Variants in PCTP observed in about 807,000 individuals in gnomAD.
PCTP encodes START domain-containing protein 2.
PCTP carries 27 observed loss-of-function variants against 31.0 expected under a neutral mutation model. The observed-to-expected ratio is 0.87, with a 90% CI of 0.64 to 1.20. The LOEUF is 1.20. Among genes scored for constraint, PCTP ranks in the 50% most tolerant of loss-of-function variants. The pLI is 0.00. For synonymous variants in PCTP, 108 were observed against 101.2 expected (o/e 1.07, Z -0.40); for missense variants, 287 against 268.2 (o/e 1.07, Z -0.49).
chr17:55,822,515 G>C (rs929958509), intron 3 of PCTP, among the ~76,000 whole-genome samples: 1 of 152,136 alleles, frequency 6.6e-6, no homozygotes, highest in Admixed American at 6.5e-5. Context: ...ATATTTCAGT[G>C]GGGGGATTAA....
chr17:55,757,278 A>ATG (rs367789115), intron 1 of PCTP, among the ~76,000 whole-genome samples: 1 of 150,064 alleles, frequency 6.7e-6, no homozygotes. Context: ...ATACACAAGC[A>ATG]TGTGTGTGTG....
intron 5 of PCTP, among the ~76,000 whole-genome samples, chr17:55,842,411 G>A (rs1906011442): frequency 6.6e-6 from 1 of 152,180 alleles, no homozygotes; most frequent in Non-Finnish European, 1.5e-5. Context: ...GAAGTCCCAG[G>A]AAATTGTGTA....
downstream of PCTP, among the ~76,000 whole-genome samples, chr17:55,844,642 T>G (rs766227869): frequency 8.5e-5 from 13 of 152,204 alleles, no homozygotes; most frequent in South Asian, 8.3e-4. Flanking sequence ...GACATTCCAG[T>G]ATAGACTCAC....
At chr17:55,837,903 T>G (rs1249505842) in intron 5 of PCTP, among the ~76,000 whole-genome samples, 1 of 152,116 alleles carries the variant, frequency 6.6e-6, no homozygotes, top group African/African-American at 2.4e-5. Context: ...CAGGAGGCCA[T>G]AGCTGGGAGA....
chr17:55,762,462 A>G (rs183081310), intron 1 of PCTP, among the ~76,000 whole-genome samples: 1 of 151,780 alleles, frequency 6.6e-6, no homozygotes, highest in East Asian at 1.9e-4. Context: ...GGATTTCTTA[A>G]CCTTCACTGT....
intron 3 of PCTP, among the ~76,000 whole-genome samples, chr17:55,800,451 G>T (rs141308279): frequency 2.0e-5 from 3 of 151,802 alleles, no homozygotes; most frequent in African/African-American, 7.3e-5. Context: ...TCTCTAAACT[G>T]GTTATTCTAG....
downstream of PCTP, among the ~76,000 whole-genome samples, chr17:55,826,714 C>T (rs761358738): frequency 4.6e-5 from 7 of 152,154 alleles, no homozygotes; most frequent in Admixed American, 1.3e-4. Context: ...GGCCAAGTTC[C>T]GGCCAATGGA....
intron 1 of PCTP, among the ~76,000 whole-genome samples, chr17:55,766,305 CA>C (rs1265662206): frequency 6.6e-6 from 1 of 150,538 alleles, no homozygotes; most frequent in Non-Finnish European, 1.5e-5. Flanking sequence ...TACATGTGCA[CA>C]ATGTGCAGGT....
At chr17:55,756,741 G>GTGTGTA (rs1555564753) in intron 1 of PCTP, among the ~76,000 whole-genome samples, 1 of 150,198 alleles carries the variant, frequency 6.7e-6, no homozygotes, top group African/African-American at 2.5e-5. Flanking sequence ...GTGTGTGTGT[G>GTGTGTA]TATATATGTA....
chr17:55,852,435 T>C, the PCTP span, among the ~76,000 whole-genome samples: 5 of 152,172 alleles, frequency 3.3e-5, no homozygotes, highest in Non-Finnish European at 5.9e-5. Context: ...TGCCAAACCA[T>C]AGAGAGTGAG....
At chr17:55,804,386 A>G (rs1052639982) in intron 3 of PCTP, among the ~76,000 whole-genome samples, 3 of 152,240 alleles carry the variant, frequency 2.0e-5, no homozygotes, top group African/African-American at 4.8e-5. Context: ...AGGATTATAA[A>G]TCATTCTACT....
In PCTP at chr17:55,795,154, T is replaced by A. The variant is rs190497743; in HGVS notation, c.317+7500T>A. 2.8e-3 allele frequency among the ~76,000 whole-genome samples: 424 copies of A among 152,182 alleles called. 2 individuals are homozygous for A. Among genetic ancestry groups the A allele is most frequent in the Admixed American group, 5.0e-3 (76 of 15,246 alleles). ...AGAGCTATCCCCCTGCCATCAGTTT[T>A]ATTAAAGGCATAAATGTGCAGTCGC... On this transcript the variant is annotated intron_variant, in intron 3 of 3. Transcript: ENST00000572536.
intron 1 of PCTP, among the ~76,000 whole-genome samples, chr17:55,764,966 G>C (rs975631016): frequency 6.6e-6 from 1 of 152,188 alleles, no homozygotes; most frequent in African/African-American, 2.4e-5. Flanking sequence ...AATTGCCACC[G>C]TACAGAGAGT....
chr17:55,808,090 C>T (rs901354773), intron 3 of PCTP, among the ~76,000 whole-genome samples: 1 of 152,104 alleles, frequency 6.6e-6, no homozygotes, highest in Non-Finnish European at 1.5e-5. Context: ...ATCATTTAAT[C>T]CTCTGAACAA....
intron 1 of PCTP, among the ~76,000 whole-genome samples, chr17:55,753,633 G>A (rs1909833871): frequency 1.3e-5 from 2 of 152,298 alleles, no homozygotes. Flanking sequence ...GAAGGCAAAT[G>A]CTGCCTGGTG....
intron 1 of PCTP, among the ~76,000 whole-genome samples, chr17:55,755,625 A>C (rs775613678): frequency 6.6e-6 from 1 of 152,078 alleles, no homozygotes; most frequent in Non-Finnish European, 1.5e-5. Context: ...TTTTCTCTTA[A>C]ATCACAAAAT....
At chr17:55,830,504 T>C (rs143977890) in intron 5 of PCTP, among the ~76,000 whole-genome samples, 1 of 152,320 alleles carries the variant, frequency 6.6e-6, no homozygotes, top group African/African-American at 2.4e-5. Context: ...AAAGTGTACC[T>C]GTCACCTTAA....
downstream of PCTP, among the ~76,000 whole-genome samples, chr17:55,781,601 CTAAAAACAAA>C (rs1160211685): frequency 2.0e-5 from 3 of 152,270 alleles, no homozygotes; most frequent in East Asian, 5.8e-4. Flanking sequence ...ATACCACTAA[CTAAAAACAAA>C]TAAACAAAAT....
At chr17:55,774,881 CGGGGGGA>C in intron 5 of PCTP, 22 bp downstream of exon 5, 1 of 1,237,226 alleles carries the variant, frequency 8.1e-7, no homozygotes, top group Non-Finnish European at 1.0e-6. Context: ...GGAGGTGGGG[CGGGGGGA>C]GGGATGGGGG....
Sources: gnomAD v4.1 joint callset for allele counts (sites outside exome capture counted in the v4.1 genomes callset) on GRCh38, gnomAD v4.1.1 for gene constraint, MANE v1.5 for transcripts, NCBI Gene and HGNC (gene_info 2026-07-23, HGNC 2026-07-21) for gene names.